Variants in MECOM observed in about 807,000 individuals in gnomAD.
MECOM encodes the protein MDS1 and EVI1 complex locus.
MECOM carries 13 observed loss-of-function variants against 116.3 expected under a neutral mutation model. That is an observed-to-expected ratio of 0.11 (90% CI 0.07 to 0.18). The LOEUF (loss-of-function observed/expected upper bound fraction) is 0.18, where lower values mean the gene tolerates loss of function less well. MECOM is among the 10% of genes least tolerant of loss of function. MECOM has a pLI of 1.00. For missense variants in MECOM, 1,299 were observed against 1,509.0 expected (o/e 0.86, Z 2.31); for synonymous variants, 528 against 535.2 (o/e 0.99, Z 0.19).
In MECOM at chr3:169,663,493, T is replaced by A; in HGVS notation, c.-121A>T. On this transcript the variant is annotated 5_prime_UTR_variant, in exon 1 of 17. Coordinates refer to ENST00000651503, the MANE Select transcript of MECOM (RefSeq NM_004991.4). ...TCTCCTGTCTCTCTCTCTCTCTCTCTCTCTCTCTCTCTCTCTCTCTCTCTC... is the reference window on the plus strand; with the variant it reads ...TCTCCTGTCTCTCTCTCTCTCTCTCACTCTCTCTCTCTCTCTCTCTCTCTC... 1 of 609,790 alleles carries A rather than the reference T, an allele frequency of 1.6e-6. No homozygotes were observed. The highest frequency in any genetic ancestry group is 2.9e-6 in the Non-Finnish European group (1 of 343,386). The allele number at this position is 609,790 out of a possible 1,614,324, so 37.8% of individuals were successfully genotyped here. A position where few individuals can be genotyped will look rare whatever the true frequency, so the allele number is the denominator to read the frequency against.
intron 2 of MECOM, among the ~76,000 whole-genome samples, chr3:169,333,489 A>G (rs1723082664): frequency 6.6e-6 from 1 of 151,970 alleles, no homozygotes; most frequent in Non-Finnish European, 1.5e-5. Flanking sequence ...CCCCAATTTG[A>G]TCTCTTCTTA....
At chr3:169,588,561 G>C (rs1331276803) in intron 1 of MECOM, among the ~76,000 whole-genome samples, 2 of 152,136 alleles carry the variant, frequency 1.3e-5, no homozygotes, top group Non-Finnish European at 2.9e-5. Flanking sequence ...TTCTGCGTCA[G>C]ACATATGGGA....
At chr3:169,502,813 C>T (rs1327764497) in intron 1 of MECOM, among the ~76,000 whole-genome samples, 1 of 151,970 alleles carries the variant, frequency 6.6e-6, no homozygotes, top group Non-Finnish European at 1.5e-5. Flanking sequence ...AGAAAAATGC[C>T]ACTCATTTCC....
At chr3:169,564,174 T>A (rs6809237) in intron 1 of MECOM, among the ~76,000 whole-genome samples, 51,983 of 152,000 alleles carry the variant, frequency 0.34, 9,151 homozygotes, top group Middle Eastern at 0.44. Context: ...AATATTTTTT[T>A]AAAAAGAAAA....
At chr3:169,263,104 TATATATATATATATATATATA>T (rs1560060865) in intron 2 of MECOM, among the ~76,000 whole-genome samples, 3 of 92,892 alleles carry the variant, frequency 3.2e-5, no homozygotes, top group Admixed American at 2.4e-4. Context: ...TATATATATA[TATATATATATATATATATATA>T]TATGTTTTTT....
intron 2 of MECOM, among the ~76,000 whole-genome samples, chr3:169,174,711 G>A (rs1744897326): frequency 6.6e-6 from 1 of 152,112 alleles, no homozygotes; most frequent in South Asian, 2.1e-4. Flanking sequence ...AGTATGTTAG[G>A]AGAAAGCAAC....
At chr3:169,641,459 C>T (rs577879134) in intron 1 of MECOM, among the ~76,000 whole-genome samples, 30 of 152,208 alleles carry the variant, frequency 2.0e-4, no homozygotes, top group African/African-American at 6.7e-4. Context: ...AGAGATTTGA[C>T]GCTATTCATT....
intron 7 of MECOM, 126 bp from the exon 8 acceptor site, chr3:169,116,865 T>C: frequency 8.3e-7 from 1 of 1,201,592 alleles, no homozygotes; most frequent in Non-Finnish European, 1.1e-6. Flanking sequence ...GAGGCACCAA[T>C]CTGGGTGCTC....
intron 1 of MECOM, among the ~76,000 whole-genome samples, chr3:169,453,491 G>A (rs754756978): frequency 2.6e-5 from 4 of 152,178 alleles, no homozygotes; most frequent in Non-Finnish European, 5.9e-5. Context: ...ATATGGCTTG[G>A]CATTAGGGAC....
chr3:169,265,825 T>C (rs1758212799), intron 2 of MECOM, among the ~76,000 whole-genome samples: 1 of 152,226 alleles, frequency 6.6e-6, no homozygotes, highest in South Asian at 2.1e-4. Flanking sequence ...CGCTAGGACC[T>C]CTGTCCCTTC....
chr3:169,210,237 G>T (rs1577353266), intron 2 of MECOM, among the ~76,000 whole-genome samples: 2 of 152,024 alleles, frequency 1.3e-5, no homozygotes. Context: ...TGTATGTGGG[G>T]CTTAAAACCT....
chr3:169,098,928 C>T lies in MECOM; in HGVS notation c.2849+1957G>A, dbSNP rs541713780. ...CCCTATTGTTAATATGTTTCAGGTA[C>T]GTTTGTCACAACTATTAAACCAACA... On this transcript the variant is annotated intron_variant, in intron 12 of 16. Coordinates refer to ENST00000651503, the MANE Select transcript of MECOM (RefSeq NM_004991.4). Among the ~76,000 whole-genome samples the T allele has an allele frequency of 7.2e-5, 11 of 152,124 alleles. No individual in the cohort carries two copies. In the East Asian group the frequency reaches 2.1e-3, roughly 29 times the overall value.
At chr3:169,615,547 C>T (rs966142964) in intron 1 of MECOM, among the ~76,000 whole-genome samples, 1 of 152,054 alleles carries the variant, frequency 6.6e-6, no homozygotes, top group Admixed American at 6.6e-5. Context: ...TTCAAAAATC[C>T]ATAAGATTAC....
At chr3:169,293,322 C>T (rs1346986803) in intron 2 of MECOM, among the ~76,000 whole-genome samples, 2 of 152,190 alleles carry the variant, frequency 1.3e-5, no homozygotes, top group Admixed American at 1.3e-4. Flanking sequence ...ACATTCAGTC[C>T]AAACTCCTCA....
chr3:169,475,362 G>A (rs1560323261), intron 1 of MECOM, among the ~76,000 whole-genome samples: 1 of 152,054 alleles, frequency 6.6e-6, no homozygotes. Flanking sequence ...CGGTTGAAGT[G>A]TTTTTTTAAG....
At chr3:169,207,957 G>A (rs1750173839) in intron 2 of MECOM, among the ~76,000 whole-genome samples, 1 of 152,106 alleles carries the variant, frequency 6.6e-6, no homozygotes, top group South Asian at 2.1e-4. Context: ...TCACACTTGA[G>A]CCTGTATAAC....
At chr3:169,147,495 CTTTTAAAT>C in intron 2 of MECOM, 1 of 985,450 alleles carries the variant, frequency 1.0e-6, no homozygotes, top group Non-Finnish European at 1.2e-6. Flanking sequence ...ACGGGCTCCT[CTTTTAAAT>C]TTTTAAAGTG....
At chr3:169,584,490 A>G (rs529285013) in intron 1 of MECOM, among the ~76,000 whole-genome samples, 1,997 of 151,510 alleles carry the variant, frequency 0.013, 18 homozygotes, top group Admixed American at 0.024. Context: ...GCGTGAACCC[A>G]AGAGGTGGAG....
At position 169,115,645 on chromosome 3, in the gene MECOM, C is replaced by G; in HGVS notation, c.2227G>C (p.Asp743His). 5 of 1,614,072 alleles carry G rather than the reference C, an allele frequency of 3.1e-6. No individual in the cohort carries two copies. Among genetic ancestry groups the G allele is most frequent in the Non-Finnish European group, 4.2e-6 (5 of 1,180,018 alleles). ...TCATCCTTTCGCTTAGTGGTGAGAT[C>G]AAAGGGGGACTCAGAGCTGCCCTTC... Reference protein sequence around the residue: ...LQKGSSESPFDLTTKRKDEKP... With the variant: ...LQKGSSESPFHLTTKRKDEKP... The change falls in exon 8 of 17, where the codon GAT (aspartate) becomes CAT (histidine). Residue 743 changes from aspartate (D) to histidine (H), a missense_variant. This residue lies in a region of MECOM where 340 missense variants were observed against 312.6 expected (regional missense o/e 1.09). Coordinates refer to ENST00000651503, the MANE Select transcript of MECOM (RefSeq NM_004991.4).
Sources: allele counts gnomAD v4.1 joint callset (sites outside exome capture counted in the v4.1 genomes callset), GRCh38; gene constraint gnomAD v4.1.1; regional missense constraint gnomAD v4.1.1; transcripts MANE v1.5; gene names NCBI Gene and HGNC (gene_info 2026-07-23, HGNC 2026-07-21).